Variants in RGS6 observed in about 807,000 individuals in gnomAD.
RGS6 encodes regulator of G-protein signaling 6.
A neutral mutation model predicts 78.5 loss-of-function variants in RGS6; 30 were observed. The observed-to-expected ratio is 0.38, with a 90% CI of 0.29 to 0.52. RGS6 has a LOEUF of 0.52. Ranked by LOEUF, RGS6 falls within the 20% of genes least tolerant of loss-of-function variation. RGS6 has a pLI of 0.85. For missense variants in RGS6, 495 were observed against 609.7 expected, an observed-to-expected ratio of 0.81 and a Z score of 1.98; for synonymous variants, 206 against 206.0, an observed-to-expected ratio of 1.00 and a Z score of 0.00.
At chr14:72,135,072 CCATCACA>C in intron 2 of RGS6, among the ~76,000 whole-genome samples, 1 of 152,174 alleles carries the variant, frequency 6.6e-6, no homozygotes, top group Non-Finnish European at 1.5e-5. Context: ...ATAAAATTAA[CCATCACA>C]ATATGCTTCA....
chr14:72,249,803 C>T lies in RGS6; in HGVS notation c.85-102292C>T, dbSNP rs370785051. 1.6e-4 allele frequency among the ~76,000 whole-genome samples: 25 copies of T among 151,982 alleles called. No homozygotes were observed. In the South Asian group the frequency reaches 3.8e-3, roughly 23 times the overall value. ...GACACATGCACACGTATGTTTATTG[C>T]GGCATTATTCACAATAGCAAAGACT... On this transcript the variant is annotated intron_variant, in intron 2 of 17. Transcript: ENST00000553525.
At chr14:72,468,509 C>G (rs2095986126) in intron 7 of RGS6, among the ~76,000 whole-genome samples, 1 of 152,122 alleles carries the variant, frequency 6.6e-6, no homozygotes, top group Admixed American at 6.5e-5. Flanking sequence ...ATTACATATT[C>G]TTTTTACAAA....
intron 3 of RGS6, among the ~76,000 whole-genome samples, chr14:72,454,005 T>C (rs2095564756): frequency 6.6e-6 from 1 of 152,198 alleles, no homozygotes; most frequent in South Asian, 2.1e-4. Flanking sequence ...AGGCTGGAAA[T>C]GTAATCTAGC....
chr14:72,460,867 G>GTT (rs1333168061), intron 6 of RGS6, among the ~76,000 whole-genome samples: 2 of 152,044 alleles, frequency 1.3e-5, no homozygotes, highest in African/African-American at 4.8e-5. Flanking sequence ...GGAGTCACAC[G>GTT]TTTGAGCAAG....
At chr14:72,260,608 C>G (rs559435583) in intron 2 of RGS6, among the ~76,000 whole-genome samples, 1 of 152,222 alleles carries the variant, frequency 6.6e-6, no homozygotes, top group East Asian at 1.9e-4. Context: ...GATGAGTGCT[C>G]TTACCCTTTC....
the RGS6 span, among the ~76,000 whole-genome samples, chr14:72,598,324 A>C: frequency 1.3e-5 from 2 of 152,216 alleles, no homozygotes; most frequent in Admixed American, 6.5e-5. Flanking sequence ...ATTGGGGACT[A>C]GGAAGGGTCC....
At chr14:72,588,817 A>C in the RGS6 span, among the ~76,000 whole-genome samples, 1 of 152,168 alleles carries the variant, frequency 6.6e-6, no homozygotes, top group Non-Finnish European at 1.5e-5. Flanking sequence ...GAACTTCCAC[A>C]AACTCGTTGG....
intron 2 of RGS6, among the ~76,000 whole-genome samples, chr14:72,325,232 C>T (rs1419708670): frequency 1.3e-5 from 2 of 152,132 alleles, no homozygotes; most frequent in Non-Finnish European, 2.9e-5. Context: ...TGTTTAAGTT[C>T]TTTGTAGATT....
At chr14:72,240,163 G>T (rs722561) in intron 2 of RGS6, among the ~76,000 whole-genome samples, 14,792 of 152,166 alleles carry the variant, frequency 0.097, 933 homozygotes, top group East Asian at 0.27. Flanking sequence ...ATTTCCACCA[G>T]ACTCTTGAGT....
At chr14:71,927,635 A>G (rs911084554), upstream of RGS6, among the ~76,000 whole-genome samples, 2 of 151,964 alleles carry the variant, frequency 1.3e-5, no homozygotes, top group Non-Finnish European at 2.9e-5. Flanking sequence ...ATCAGGTCTG[A>G]GATGAAGTTC....
intron 2 of RGS6, among the ~76,000 whole-genome samples, chr14:72,116,215 TC>T (rs1166306865): frequency 6.6e-6 from 1 of 152,096 alleles, no homozygotes; most frequent in Non-Finnish European, 1.5e-5. Context: ...TACCAGACAG[TC>T]CTCATCAGTG....
chr14:72,034,595 A>G (rs1052681577), intron 2 of RGS6, among the ~76,000 whole-genome samples: 3 of 152,122 alleles, frequency 2.0e-5, no homozygotes, highest in African/African-American at 4.8e-5. Context: ...GAATGTTTGC[A>G]TCAGTATTTA....
chr14:72,102,200 C>T (rs917985678), intron 2 of RGS6, among the ~76,000 whole-genome samples: 1 of 152,200 alleles, frequency 6.6e-6, no homozygotes, highest in African/African-American at 2.4e-5. Flanking sequence ...ACTGCTTCTC[C>T]AGAAGGTCCC....
the RGS6 span, among the ~76,000 whole-genome samples, chr14:72,623,647 T>C: frequency 6.6e-6 from 1 of 152,218 alleles, no homozygotes; most frequent in African/African-American, 2.4e-5. Flanking sequence ...TGTAGGCCAA[T>C]GAAGTTAAGT....
chr14:72,396,953 T>C (rs561061313), intron 3 of RGS6, among the ~76,000 whole-genome samples: 32 of 152,356 alleles, frequency 2.1e-4, no homozygotes, highest in African/African-American at 7.7e-4. Context: ...TGTGGCCTTG[T>C]AGTATAGTTA....
In RGS6 at chr14:72,056,441, G is replaced by A. The variant is rs146761491; in HGVS notation, c.84+91566G>A. The stretch of plus-strand genomic sequence containing the variant: ...TCCTACCCAAATCCACCTCGTACCT[G>A]TGAGTCTTCAGGTGTGTTACACTCT... On this transcript the variant is annotated intron_variant, in intron 2 of 17. Coordinates refer to ENST00000553525, the MANE Select transcript of RGS6 (RefSeq NM_001204424.2). Among the ~76,000 whole-genome samples the A allele has an allele frequency of 3.3e-5, 5 of 152,286 alleles. No homozygotes were observed. In the East Asian group the frequency reaches 7.7e-4, roughly 23 times the overall value.
intron 3 of RGS6, among the ~76,000 whole-genome samples, chr14:72,355,452 C>T (rs2080074767): frequency 6.6e-6 from 1 of 152,090 alleles, no homozygotes; most frequent in Non-Finnish European, 1.5e-5. Context: ...ACCTTGGCCT[C>T]CCAAAGTACT....
chr14:72,386,943 AG>A (rs1373839307), intron 3 of RGS6, among the ~76,000 whole-genome samples: 2 of 152,268 alleles, frequency 1.3e-5, no homozygotes, highest in African/African-American at 2.4e-5. Context: ...TAGCTGTGAA[AG>A]GGCACTTGGA....
chr14:72,198,764 C>G (rs538486867), intron 2 of RGS6, among the ~76,000 whole-genome samples: 74 of 152,318 alleles, frequency 4.9e-4, no homozygotes, highest in Non-Finnish European at 9.0e-4. Flanking sequence ...CAGAGTCCAC[C>G]TGCCTTGGTC....
Sources: gnomAD v4.1 joint callset for allele counts (sites outside exome capture counted in the v4.1 genomes callset) on GRCh38, gnomAD v4.1.1 for gene constraint, MANE v1.5 for transcripts, NCBI Gene and HGNC (gene_info 2026-07-23, HGNC 2026-07-21) for gene names.